Variants in BMP8A observed in about 807,000 individuals in gnomAD.
The protein encoded by BMP8A is bone morphogenetic protein 8a, also known as BMP-8A.
Under a neutral mutation model 36.8 loss-of-function variants are expected in BMP8A, and 14 were observed. The observed-to-expected ratio is 0.38, with a 90% CI of 0.25 to 0.60. The LOEUF (loss-of-function observed/expected upper bound fraction) is 0.60, where lower values mean the gene tolerates loss of function less well. BMP8A is among the 20% of genes least tolerant of loss of function. The pLI is 0.63. For synonymous variants in BMP8A, 120 were observed against 237.7 expected (o/e 0.50, Z 4.55); for missense variants, 267 against 551.1 (o/e 0.48, Z 5.16).
At chr1:39,493,061 A>G (rs1349912447) in intron 1 of BMP8A, among the ~76,000 whole-genome samples, 1 of 152,060 alleles carries the variant, frequency 6.6e-6, no homozygotes, top group Non-Finnish European at 1.5e-5. Context: ...AAGATCTCAG[A>G]TTTTTCTTTT....
chr1:39,517,197 A>G (rs1645400818), intron 3 of BMP8A, among the ~76,000 whole-genome samples: 2 of 151,868 alleles, frequency 1.3e-5, no homozygotes, highest in Admixed American at 6.6e-5. Context: ...GAGTTTCACC[A>G]TGTTGCCCAG....
intron 1 of BMP8A, among the ~76,000 whole-genome samples, chr1:39,494,443 C>T (rs1645187719): frequency 6.6e-6 from 1 of 151,374 alleles, no homozygotes; most frequent in African/African-American, 2.4e-5. Flanking sequence ...CTCTAATTCC[C>T]GGGCTCCAGC....
chr1:39,493,167 G>T (rs773006027), intron 1 of BMP8A, among the ~76,000 whole-genome samples: 1 of 152,218 alleles, frequency 6.6e-6, no homozygotes, highest in East Asian at 1.9e-4. Flanking sequence ...ACAGGCCGGG[G>T]TCTGGGAGCC....
rs1200346691 is a variant in BMP8A, at chr1:39,522,502, G to A, written c.948+20G>A. On this transcript the variant is annotated intron_variant, in intron 5 of 6. Transcript: ENST00000331593. ...TGGCTGGTAATTGCTGACTCTCCTT[G>A]TTTCTGAAATGACAATCACCACCTG... 1 of 1,613,400 alleles carries A rather than the reference G, an allele frequency of 6.2e-7. No individual in the cohort carries two copies. Among genetic ancestry groups the A allele is most frequent in the Non-Finnish European group, 8.5e-7 (1 of 1,179,554 alleles).
At position 39,510,424 on chromosome 1, in the gene BMP8A, C is replaced by A. The variant is rs12726646; in HGVS notation, c.335-750C>A. ...CTCTCCGGGAGTTGTCACTCCTGCC[C>A]TGGTTTTTCTTGTTCCTTTCCACGT... On this transcript the variant is annotated intron_variant, in intron 1 of 6. Transcript: ENST00000331593. 8.8e-4 allele frequency among the ~76,000 whole-genome samples: 120 copies of A among 136,800 alleles called. 3 individuals are homozygous for A. The highest frequency in any genetic ancestry group is 1.3e-4 in the Non-Finnish European group (8 of 62,680). 89.7% of individuals were successfully genotyped at this position (136,800 alleles called of 152,430 possible).
At chr1:39,500,620 C>G (rs963731967) in intron 1 of BMP8A, among the ~76,000 whole-genome samples, 12 of 143,666 alleles carry the variant, frequency 8.4e-5, no homozygotes, top group African/African-American at 2.9e-4. Context: ...CTCCCTAAGG[C>G]TGAGTAATTT....
chr1:39,495,956 C>T (rs569329684), intron 1 of BMP8A, among the ~76,000 whole-genome samples: 4,702 of 150,210 alleles, frequency 0.031, 120 homozygotes, highest in African/African-American at 0.11. Flanking sequence ...GACAGATTTG[C>T]TCCTGTGGTC....
chr1:39,504,173 G>A (rs1008725094), intron 1 of BMP8A, among the ~76,000 whole-genome samples: 6 of 152,016 alleles, frequency 3.9e-5, no homozygotes, highest in Non-Finnish European at 5.9e-5. Context: ...GGTATTTCTC[G>A]AAAGGTGGAG....
intron 1 of BMP8A, among the ~76,000 whole-genome samples, chr1:39,497,813 G>C (rs1436614799): frequency 1.3e-5 from 2 of 152,196 alleles, no homozygotes; most frequent in African/African-American, 4.8e-5. Context: ...GGAGAGCCAG[G>C]AGGAACCTGG....
intron 3 of BMP8A, among the ~76,000 whole-genome samples, chr1:39,517,069 A>G (rs191313079): frequency 7.9e-5 from 12 of 152,116 alleles, no homozygotes; most frequent in African/African-American, 2.4e-4. Flanking sequence ...TCTCACTGCA[A>G]CCTCTGCCTC....
Position 39,522,500 on chromosome 1 carries a change from T to C in BMP8A, c.948+18T>C. 1 of 1,613,600 alleles carries C rather than the reference T, an allele frequency of 6.2e-7. No homozygotes were observed. The highest frequency in any genetic ancestry group is 8.5e-7 in the Non-Finnish European group (1 of 1,179,600). On this transcript the variant is annotated intron_variant, in intron 5 of 6. Transcript: ENST00000331593. Reference sequence around the variant, plus strand: ...GCTGGCTGGTAATTGCTGACTCTCCTTGTTTCTGAAATGACAATCACCACC... The same window carrying C: ...GCTGGCTGGTAATTGCTGACTCTCCCTGTTTCTGAAATGACAATCACCACC...
In BMP8A at chr1:39,523,256, C is replaced by G. The variant is rs560591424; in HGVS notation, c.1059+139C>G. The stretch of plus-strand genomic sequence containing the variant: ...TTTGTCTGCACAGAGTCAGTAACGT[C>G]GCTAACTTCCCACAGCTCTGCAGGA... On this transcript the variant is annotated intron_variant, in intron 6 of 6. Transcript: ENST00000331593. The G allele has an allele frequency of 5.0e-5, 52 of 1,044,896 alleles. No individual in the cohort carries two copies. The African/African-American group carries it at 7.9e-4, about 16-fold the overall frequency. 64.7% of individuals were successfully genotyped at this position (1,044,896 alleles called of 1,614,324 possible).
In BMP8A at chr1:39,506,555, C is replaced by CATTAGGGGAAGCT. The variant is rs1391257562; in HGVS notation, c.335-4616_335-4604dup. Among the ~76,000 whole-genome samples the CATTAGGGGAAGCT allele has an allele frequency of 1.8e-4, 27 of 152,198 alleles. No individual in the cohort carries two copies. The East Asian group carries it at 4.6e-3, about 26-fold the overall frequency. On this transcript the variant is annotated intron_variant, in intron 1 of 6. Transcript: ENST00000331593. ...ACAGGTTGGTTATGTAAGAAGCTGT[C>CATTAGGGGAAGCT]ATTAGGGGAAGCTATCAGGGAAAGA...
rs1032120278 is a variant in BMP8A at position 39,526,554 on chromosome 1, G to A, written c.*756G>A. ...GGGTTTCACCATATCGGCCAGGCTGGTCTTGAACTCCTGACCTCAGGTGAT... is the reference window on the plus strand; with the variant it reads ...GGGTTTCACCATATCGGCCAGGCTGATCTTGAACTCCTGACCTCAGGTGAT... On this transcript the variant is annotated 3_prime_UTR_variant, in exon 7 of 7. Transcript: ENST00000331593. Among the ~76,000 whole-genome samples the A allele has an allele frequency of 6.6e-6, 1 of 152,116 alleles. No homozygotes were observed. Among genetic ancestry groups the A allele is most frequent in the Admixed American group, 6.6e-5 (1 of 15,262 alleles).
At chr1:39,504,838 G>A (rs1253827756) in intron 1 of BMP8A, among the ~76,000 whole-genome samples, 1 of 152,124 alleles carries the variant, frequency 6.6e-6, no homozygotes, top group Non-Finnish European at 1.5e-5. Context: ...ATGGTGGGGA[G>A]AGGGTCAGCA....
chr1:39,497,508 C>G (rs954347620), intron 1 of BMP8A, among the ~76,000 whole-genome samples: 5 of 152,212 alleles, frequency 3.3e-5, no homozygotes, highest in Non-Finnish European at 5.9e-5. Context: ...GAAAACTCCA[C>G]CCACTTTTCA....
intron 1 of BMP8A, among the ~76,000 whole-genome samples, chr1:39,494,139 A>G (rs1335693184): frequency 1.3e-5 from 2 of 152,182 alleles, no homozygotes; most frequent in Non-Finnish European, 2.9e-5. Context: ...GTGAACCTGG[A>G]CCTGGGCACT....
chr1:39,519,050 C>T (rs1398205886), intron 3 of BMP8A, among the ~76,000 whole-genome samples: 6 of 101,702 alleles, frequency 5.9e-5, no homozygotes, highest in Non-Finnish European at 1.2e-4. Flanking sequence ...CTGTGAGGGT[C>T]TGTGGTGTAA....
intron 1 of BMP8A, among the ~76,000 whole-genome samples, chr1:39,505,209 G>A (rs1645291242): frequency 6.6e-6 from 1 of 152,126 alleles, no homozygotes; most frequent in Non-Finnish European, 1.5e-5. Context: ...CTTTCCATGA[G>A]GCCATATCTC....
Sources: gnomAD v4.1 joint callset for allele counts (sites outside exome capture counted in the v4.1 genomes callset) on GRCh38, gnomAD v4.1.1 for gene constraint, MANE v1.5 for transcripts, NCBI Gene and HGNC (gene_info 2026-07-23, HGNC 2026-07-21) for gene names.